The following GPC6 variants were observed in gnomAD, a reference collection of about 807,000 sequenced individuals.
GPC6 encodes the protein glypican 6.
Under a neutral mutation model 55.2 loss-of-function variants are expected in GPC6, and 14 were observed. The ratio of observed to expected loss-of-function variants is 0.25; its 90% CI spans 0.17 to 0.40. The LOEUF is 0.40. GPC6 is among the 10% of genes least tolerant of loss of function. The pLI, the probability that GPC6 is intolerant of heterozygous loss-of-function variation, is 1.00. For synonymous variants in GPC6, 278 were observed against 259.6 expected, an observed-to-expected ratio of 1.07 and a Z score of -0.68; for missense variants, 641 against 708.5, an observed-to-expected ratio of 0.90 and a Z score of 1.08.
chr13:93,880,313 C>G (rs1210319399), intron 3 of GPC6, among the ~76,000 whole-genome samples: 1 of 151,950 alleles, frequency 6.6e-6, no homozygotes, highest in Admixed American at 6.6e-5. Context: ...TTGGAACCAA[C>G]TCAAATGTCC....
rs868202304 is a variant in GPC6, at chr13:93,654,998, G to A, written c.319+109577G>A. Among the ~76,000 whole-genome samples, 361 of 114,400 alleles carry A rather than the reference G, an allele frequency of 3.2e-3. 4 individuals are homozygous for A. The highest frequency in any genetic ancestry group is 0.011 in the African/African-American group (356 of 31,896). 75.1% of individuals were successfully genotyped at this position (114,400 alleles called of 152,430 possible). On this transcript the variant is annotated intron_variant, in intron 2 of 8. Transcript: ENST00000377047. Reference sequence around the variant, plus strand: ...ACTACAGGCGCCCACTACCATGCCCGGCTAATTTTTTTTTTTTTTTTTTTT... The same window carrying A: ...ACTACAGGCGCCCACTACCATGCCCAGCTAATTTTTTTTTTTTTTTTTTTT...
intron 4 of GPC6, among the ~76,000 whole-genome samples, chr13:94,062,391 C>T (rs1351999876): frequency 6.6e-6 from 1 of 152,132 alleles, no homozygotes; most frequent in Non-Finnish European, 1.5e-5. Context: ...GCTGTGACTA[C>T]AGGCATGTGC....
intron 2 of GPC6, among the ~76,000 whole-genome samples, chr13:93,571,856 C>T (rs368210148): frequency 1.3e-5 from 2 of 152,060 alleles, no homozygotes; most frequent in East Asian, 1.9e-4. Flanking sequence ...CACAATGGTC[C>T]ATTTTATTCA....
At chr13:94,402,700 A>G (rs1881194190) in intron 8 of GPC6, among the ~76,000 whole-genome samples, 1 of 152,180 alleles carries the variant, frequency 6.6e-6, no homozygotes, top group Admixed American at 6.5e-5. Context: ...ATGGCTGGGG[A>G]GGCCTCAGGA....
At chr13:93,556,330 G>A (rs1018948392) in intron 2 of GPC6, among the ~76,000 whole-genome samples, 8 of 149,574 alleles carry the variant, frequency 5.3e-5, no homozygotes, top group African/African-American at 2.0e-4. Context: ...TTGAAGCGCA[G>A]TATCTTATTT....
At chr13:93,501,039 A>C (rs2590514) in intron 1 of GPC6, among the ~76,000 whole-genome samples, 16,669 of 152,070 alleles carry the variant, frequency 0.11, 1,334 homozygotes, top group East Asian at 0.47. Flanking sequence ...TATCTTATCC[A>C]CACACGAGAA....
intron 6 of GPC6, among the ~76,000 whole-genome samples, chr13:94,307,495 T>C (rs935608336): frequency 2.0e-5 from 3 of 152,152 alleles, no homozygotes; most frequent in African/African-American, 7.2e-5. Context: ...TATTTTTTTG[T>C]AGAGGCGTGG....
At chr13:93,989,596 A>G (rs1213813550) in intron 3 of GPC6, among the ~76,000 whole-genome samples, 4 of 152,094 alleles carry the variant, frequency 2.6e-5, no homozygotes, top group African/African-American at 9.7e-5. Context: ...CACCTCACCT[A>G]TGGTGTGGAG....
At chr13:94,320,738 C>T (rs963104991) in intron 6 of GPC6, among the ~76,000 whole-genome samples, 1 of 152,114 alleles carries the variant, frequency 6.6e-6, no homozygotes, top group Admixed American at 6.5e-5. Context: ...TTTTCTGGGT[C>T]CCCATTTTCA....
intron 6 of GPC6, among the ~76,000 whole-genome samples, chr13:94,326,844 C>T (rs1877145671): frequency 6.6e-6 from 1 of 152,198 alleles, no homozygotes; most frequent in South Asian, 2.1e-4. Context: ...GTCTTTCCAG[C>T]TTGCAAACAC....
intron 4 of GPC6, among the ~76,000 whole-genome samples, chr13:94,266,255 G>A (rs977931424): frequency 9.9e-5 from 15 of 151,310 alleles, no homozygotes; most frequent in South Asian, 2.1e-4. Flanking sequence ...TGCAAGCTCC[G>A]CCTCCCGGGT....
At chr13:93,907,708 C>A (rs375196870) in intron 3 of GPC6, among the ~76,000 whole-genome samples, 10 of 152,158 alleles carry the variant, frequency 6.6e-5, no homozygotes, top group African/African-American at 2.4e-4. Flanking sequence ...GAAGCTGTGA[C>A]TCTATTTAGT....
intron 6 of GPC6, among the ~76,000 whole-genome samples, chr13:94,326,373 T>C (rs889111703): frequency 1.3e-5 from 2 of 152,070 alleles, no homozygotes; most frequent in African/African-American, 4.8e-5. Context: ...ATATCAGAAG[T>C]GCAGAGATAA....
At chr13:93,748,934 T>A (rs1594423938) in intron 2 of GPC6, among the ~76,000 whole-genome samples, 1 of 152,054 alleles carries the variant, frequency 6.6e-6, no homozygotes, top group African/African-American at 2.4e-5. Flanking sequence ...CTACGCTGTC[T>A]TCTTAAAAGT....
At chr13:93,551,162 A>G (rs1875138221) in intron 2 of GPC6, among the ~76,000 whole-genome samples, 1 of 152,214 alleles carries the variant, frequency 6.6e-6, no homozygotes, top group South Asian at 2.1e-4. Flanking sequence ...ATGCAAGTCC[A>G]CAAAGTCTGT....
intron 4 of GPC6, among the ~76,000 whole-genome samples, chr13:94,137,933 G>A (rs1887243645): frequency 2.0e-5 from 3 of 152,182 alleles, no homozygotes; most frequent in Admixed American, 1.3e-4. Flanking sequence ...AGGTGATAAT[G>A]ATGCAGTTGG....
chr13:93,283,675 A>C (rs549821116), intron 1 of GPC6, among the ~76,000 whole-genome samples: 1 of 152,330 alleles, frequency 6.6e-6, no homozygotes, highest in Admixed American at 6.5e-5. Flanking sequence ...AGTTACACGT[A>C]ATAACAGACT....
At chr13:94,308,009 C>A (rs1031197380) in intron 6 of GPC6, among the ~76,000 whole-genome samples, 5 of 151,984 alleles carry the variant, frequency 3.3e-5, no homozygotes, top group African/African-American at 1.2e-4. Context: ...TAAAAAAAAA[C>A]TGTTAAGAGG....
At chr13:94,209,081 T>C (rs1237443600) in intron 4 of GPC6, among the ~76,000 whole-genome samples, 3 of 152,252 alleles carry the variant, frequency 2.0e-5, no homozygotes, top group Non-Finnish European at 4.4e-5. Flanking sequence ...GTATGTGTAA[T>C]ATTTTATTAA....
Sources: gnomAD v4.1 joint callset for allele counts (sites outside exome capture counted in the v4.1 genomes callset) on GRCh38, gnomAD v4.1.1 for gene constraint, MANE v1.5 for transcripts, NCBI Gene and HGNC (gene_info 2026-07-23, HGNC 2026-07-21) for gene names.